Variants in ALG13 observed in about 807,000 individuals in gnomAD.
ALG13 encodes ALG13 UDP-N-acetylglucosaminyltransferase subunit, also known as UDP-N-acetylglucosamine transferase subunit ALG13.
A neutral mutation model predicts 87.8 loss-of-function variants in ALG13; 11 were observed. The ratio of observed to expected loss-of-function variants is 0.13; its 90% confidence interval spans 0.08 to 0.21. The LOEUF (loss-of-function observed/expected upper bound fraction) is 0.21. Ranked by LOEUF, ALG13 falls within the 10% of genes least tolerant of loss-of-function variation. ALG13 has a pLI of 1.00. For missense variants in ALG13, 756 were observed against 866.1 expected, an observed-to-expected ratio of 0.87 and a Z score of 1.60; for synonymous variants, 320 against 306.3, an observed-to-expected ratio of 1.04 and a Z score of -0.47.
At chrX:111,753,692 T>C (rs1402219036) in intron 25 of ALG13, among the ~76,000 whole-genome samples, 1 of 111,965 alleles carries the variant, frequency 8.9e-6, no homozygotes, top group East Asian at 2.8e-4. Context: ...GATAAATTCC[T>C]GGACACACAC....
intron 23 of ALG13, among the ~76,000 whole-genome samples, chrX:111,742,149 C>A (rs1943801901): frequency 1.8e-5 from 2 of 111,817 alleles, no homozygotes; most frequent in African/African-American, 3.2e-5. Context: ...ATCTTCTTTA[C>A]TAGATCTGGC....
chrX:111,726,415 G>A (rs188874505), intron 15 of ALG13, among the ~76,000 whole-genome samples: 223 of 107,641 alleles, frequency 2.1e-3, no homozygotes, highest in African/African-American at 7.4e-3. Context: ...TGCATTTTCA[G>A]TAGAGACGGT....
chrX:111,756,331 A>T (rs189241630), intron 25 of ALG13, among the ~76,000 whole-genome samples: 64 of 111,898 alleles, frequency 5.7e-4, no homozygotes, highest in Non-Finnish European at 1.1e-3. Context: ...TGATGGGTGT[A>T]GAAAACCACC....
intron 25 of ALG13, among the ~76,000 whole-genome samples, chrX:111,754,433 G>A (rs59381617): frequency 0.091 from 10,184 of 111,339 alleles, 1,100 homozygotes; most frequent in African/African-American, 0.31. Flanking sequence ...GGGCAGTCAG[G>A]TAAGAGAAAG....
intron 3 of ALG13, among the ~76,000 whole-genome samples, chrX:111,692,953 T>C (rs1391007831): frequency 1.8e-5 from 2 of 110,726 alleles, no homozygotes; most frequent in South Asian, 7.7e-4. Context: ...TACACCTGGC[T>C]AATTTTTTGT....
At chrX:111,729,830 G>C (rs1470978665) in intron 19 of ALG13, among the ~76,000 whole-genome samples, 3 of 111,595 alleles carry the variant, frequency 2.7e-5, no homozygotes, top group African/African-American at 9.8e-5. Flanking sequence ...AAACAGATGA[G>C]GCATACATGT....
chrX:111,740,159 G>T (rs1943620268), intron 23 of ALG13, among the ~76,000 whole-genome samples: 1 of 110,381 alleles, frequency 9.1e-6, no homozygotes, highest in Non-Finnish European at 1.9e-5. Context: ...TTTTTTAAAT[G>T]ATAGAATTGA....
At chrX:111,706,763 A>C (rs958617679) in intron 3 of ALG13, 1 of 110,792 alleles carries the variant, frequency 9.0e-6, no homozygotes, top group African/African-American at 3.3e-5. Flanking sequence ...AGACACTTTA[A>C]AAAAATAAAA....
intron 3 of ALG13, among the ~76,000 whole-genome samples, chrX:111,686,988 G>A (rs922865400): frequency 2.7e-5 from 3 of 111,519 alleles, no homozygotes; most frequent in African/African-American, 6.5e-5. Flanking sequence ...ACGGAGTTTC[G>A]CTCTTGTTGC....
intron 10 of ALG13, among the ~76,000 whole-genome samples, chrX:111,718,514 A>G (rs1287621225): frequency 1.8e-5 from 2 of 111,570 alleles, no homozygotes; most frequent in Admixed American, 1.9e-4. Flanking sequence ...CTTCAGAACT[A>G]TCTAATTACA....
In ALG13 at chrX:111,730,382, C is replaced by CT. The variant is rs1556512668; in HGVS notation, c.2369-7dup. ...TATAAACACATTTCTTCTGTCTTGT[C>CT]TTTTTTCCCCAGGGCGATATCATGA... On this transcript the variant is annotated splice_polypyrimidine_tract_variant and intron_variant, in intron 19 of 26. Transcript: ENST00000394780. 3 of 1,208,159 alleles carry CT rather than the reference C, an allele frequency of 2.5e-6. No homozygotes were observed. The highest frequency in any genetic ancestry group is 5.9e-5 in the East Asian group (2 of 33,788).
At chrX:111,715,924 C>T (rs190927292) in intron 8 of ALG13, among the ~76,000 whole-genome samples, 3 of 111,625 alleles carry the variant, frequency 2.7e-5, no homozygotes, top group South Asian at 7.5e-4. Flanking sequence ...GCCATCTTCA[C>T]TCAGCTCATT....
At position 111,695,977 on chromosome X, in the gene ALG13, A is replaced by G; in HGVS notation, c.383+10874A>G. Among the ~76,000 whole-genome samples the G allele has an allele frequency of 3.6e-5, 4 of 111,734 alleles. 1 individual carries two copies. In the Middle Eastern group the frequency reaches 0.019, roughly 522 times the overall value. On this transcript the variant is annotated intron_variant, in intron 3 of 26. Transcript: ENST00000394780. ...CCCTAAAAAGAGGTTCTGTAGAGTT[A>G]TTTCCCTTAATTTGCTTCATGTTAT... is the stretch of plus-strand genomic sequence containing the variant.
chrX:111,708,496 A>G (rs771749724), intron 4 of ALG13, 103 bp downstream of exon 4: 2 of 996,154 alleles, frequency 2.0e-6, no homozygotes, highest in Non-Finnish European at 2.7e-6. Context: ...CCTGCTTTCT[A>G]GTGAAAACAT....
intron 23 of ALG13, among the ~76,000 whole-genome samples, chrX:111,743,587 T>C (rs1292370512): frequency 8.9e-6 from 1 of 111,801 alleles, no homozygotes; most frequent in Non-Finnish European, 1.9e-5. Context: ...GACCTATTAC[T>C]GTTAGCCTGT....
At chrX:111,730,198 A>G (rs182583502) in intron 19 of ALG13, among the ~76,000 whole-genome samples, 197 bp from the exon 20 acceptor site, 1 of 112,507 alleles carries the variant, frequency 8.9e-6, no homozygotes, top group African/African-American at 3.2e-5. Context: ...AGAAATTTGT[A>G]CAGCTTACAG....
intron 3 of ALG13, chrX:111,706,795 T>C (rs1171663995): frequency 3.6e-5 from 4 of 110,557 alleles, no homozygotes; most frequent in Admixed American, 9.7e-5. Context: ...TAATTTCAAA[T>C]TGGCATGCAA....
At chrX:111,708,456 G>A in intron 4 of ALG13, 63 bp downstream of exon 4, 1 of 1,131,363 alleles carries the variant, frequency 8.8e-7, no homozygotes, top group Non-Finnish European at 1.2e-6. Flanking sequence ...GGATGGTCCT[G>A]TAGTTTGCCA....
chrX:111,727,482 G>C, intron 17 of ALG13, 37 bp downstream of exon 17: 1 of 1,125,795 alleles, frequency 8.9e-7, no homozygotes, highest in Non-Finnish European at 1.2e-6. Context: ...AAATTGGTAA[G>C]TCTGATTTCA....
Sources: gnomAD v4.1 joint callset for allele counts (sites outside exome capture counted in the v4.1 genomes callset) on GRCh38, gnomAD v4.1.1 for gene constraint, MANE v1.5 for transcripts, NCBI Gene and HGNC (gene_info 2026-07-23, HGNC 2026-07-21) for gene names.